DPP6: variants seen among roughly 807,000 people sequenced by gnomAD.
DPP6 encodes A-type potassium channel modulatory protein DPP6.
Under a neutral mutation model 122.6 loss-of-function variants are expected in DPP6, and 69 were observed. The observed-to-expected ratio is 0.56, with a 90% CI of 0.46 to 0.69. The LOEUF (loss-of-function observed/expected upper bound fraction) is 0.69, where lower values mean the gene tolerates loss of function less well. Ranked by LOEUF, DPP6 falls within the 30% of genes least tolerant of loss-of-function variation. The probability of loss-of-function intolerance (pLI) is 0.00; values close to 1 mark genes in which losing one functional copy is unlikely to be tolerated. For missense variants in DPP6, 928 were observed against 1,116.9 expected, an observed-to-expected ratio of 0.83 and a Z score of 2.41; for synonymous variants, 418 against 433.1, an observed-to-expected ratio of 0.97 and a Z score of 0.43.
At chr7:154,609,290 A>G (rs567417456) in intron 5 of DPP6, among the ~76,000 whole-genome samples, 127 of 152,348 alleles carry the variant, frequency 8.3e-4, no homozygotes, top group Non-Finnish European at 1.4e-3. Flanking sequence ...TGCATTGCCC[A>G]TGCAAGTGAG....
intron 1 of DPP6, among the ~76,000 whole-genome samples, chr7:154,331,985 G>T (rs1282152363): frequency 6.6e-6 from 1 of 152,242 alleles, no homozygotes; most frequent in Middle Eastern, 3.4e-3. Context: ...TTTGGGTGAT[G>T]GGGTCTGTGA....
intron 1 of DPP6, among the ~76,000 whole-genome samples, chr7:154,221,307 AT>A (rs1211238593): frequency 1.3e-5 from 2 of 151,974 alleles, no homozygotes; most frequent in African/African-American, 4.8e-5. Context: ...TGCCCAGCTA[AT>A]TTTTGTATTT....
chr7:154,063,734 C>A (rs979666178), intron 1 of DPP6, among the ~76,000 whole-genome samples: 5 of 151,036 alleles, frequency 3.3e-5, no homozygotes, highest in African/African-American at 1.2e-4. Flanking sequence ...CTCTTCCCCC[C>A]CGGCTTAGGA....
At position 154,727,464 on chromosome 7, in the gene DPP6, G is replaced by A. The variant is rs62475809; in HGVS notation, c.763-303G>A. 0.099 allele frequency among the ~76,000 whole-genome samples: 15,063 copies of A among 152,212 alleles called. 1,052 individuals are homozygous for A. Among genetic ancestry groups the A allele is most frequent in the Middle Eastern group, 0.15 (44 of 294 alleles). On this transcript the variant is annotated intron_variant, in intron 7 of 25. Coordinates refer to ENST00000377770, the MANE Select transcript of DPP6 (RefSeq NM_130797.4). ...TTACAATTTGACATGAGATTTGGACGGGGACACAAATCCAAACCATATCAG... is the reference window on the plus strand; with the variant it reads ...TTACAATTTGACATGAGATTTGGACAGGGACACAAATCCAAACCATATCAG...
At chr7:153,899,879 A>G (rs566057621) in intron 1 of DPP6, among the ~76,000 whole-genome samples, 119 of 152,368 alleles carry the variant, frequency 7.8e-4, no homozygotes, top group African/African-American at 2.7e-3. Context: ...GTTGAAGGCT[A>G]TTATCTAATC....
At chr7:154,085,873 G>T (rs552095583) in intron 1 of DPP6, among the ~76,000 whole-genome samples, 1 of 152,086 alleles carries the variant, frequency 6.6e-6, no homozygotes, top group Non-Finnish European at 1.5e-5. Flanking sequence ...GATAACAGGC[G>T]CTCACCATCA....
At chr7:153,987,358 T>C (rs1439761592) in intron 1 of DPP6, among the ~76,000 whole-genome samples, 1 of 152,218 alleles carries the variant, frequency 6.6e-6, no homozygotes, top group Non-Finnish European at 1.5e-5. Flanking sequence ...CAGACTCCCC[T>C]TGTGAACTGA....
chr7:154,138,620 C>T (rs546581937), intron 1 of DPP6, among the ~76,000 whole-genome samples: 1,836 of 151,848 alleles, frequency 0.012, 36 homozygotes, highest in African/African-American at 0.042. Flanking sequence ...ATATTGGACC[C>T]ATCATGAAAC....
intron 1 of DPP6, among the ~76,000 whole-genome samples, chr7:154,007,865 C>T (rs71265439): frequency 4.7e-5 from 7 of 150,374 alleles, no homozygotes; most frequent in East Asian, 2.0e-4. Context: ...TGTGGGCAGA[C>T]GAGAGAGTGT....
the DPP6 span, among the ~76,000 whole-genome samples, chr7:153,861,408 A>G: frequency 1.3e-5 from 2 of 152,216 alleles, no homozygotes; most frequent in Non-Finnish European, 2.9e-5. Flanking sequence ...CAGACATACC[A>G]TTATTTTCTA....
chr7:154,472,529 C>CCCGT (rs1170192143), intron 2 of DPP6, among the ~76,000 whole-genome samples: 1 of 152,214 alleles, frequency 6.6e-6, no homozygotes, highest in East Asian at 1.9e-4. Flanking sequence ...TCCTCTCAGC[C>CCCGT]CCGTCCCTGC....
chr7:154,169,617 G>A (rs1406371559), intron 1 of DPP6, among the ~76,000 whole-genome samples: 2 of 152,164 alleles, frequency 1.3e-5, no homozygotes, highest in Non-Finnish European at 2.9e-5. Context: ...CTAATACAAG[G>A]TAGATGCTTC....
chr7:154,395,637 G>A (rs1220260376), intron 1 of DPP6, among the ~76,000 whole-genome samples: 1 of 152,026 alleles, frequency 6.6e-6, no homozygotes, highest in African/African-American at 2.4e-5. Flanking sequence ...AGTTTTAACA[G>A]GATTTTAAAA....
chr7:154,518,388 G>C (rs1484764264), intron 3 of DPP6, among the ~76,000 whole-genome samples: 1 of 152,144 alleles, frequency 6.6e-6, no homozygotes, highest in African/African-American at 2.4e-5. Flanking sequence ...TCAGGATTTT[G>C]AATTTTTAAA....
the DPP6 span, among the ~76,000 whole-genome samples, chr7:153,847,481 G>A: frequency 1.3e-5 from 2 of 152,138 alleles, no homozygotes; most frequent in Non-Finnish European, 2.9e-5. Flanking sequence ...TGTATTGTAT[G>A]CTATACTTTG....
At chr7:154,291,445 G>C (rs1043603528) in intron 1 of DPP6, among the ~76,000 whole-genome samples, 2 of 152,190 alleles carry the variant, frequency 1.3e-5, no homozygotes, top group Non-Finnish European at 2.9e-5. Flanking sequence ...TTGCATCAGC[G>C]AGGCCTTGCT....
intron 7 of DPP6, among the ~76,000 whole-genome samples, chr7:154,683,137 A>G (rs917905736): frequency 2.0e-4 from 30 of 152,122 alleles, no homozygotes; most frequent in African/African-American, 6.3e-4. Context: ...AATGGCTTTT[A>G]TGGCCAGGAA....
At chr7:154,600,728 A>G (rs2130775011) in intron 5 of DPP6, among the ~76,000 whole-genome samples, 1 of 121,838 alleles carries the variant, frequency 8.2e-6, no homozygotes, top group Non-Finnish European at 1.9e-5. Context: ...GTAATGGCAT[A>G]TTTGGTTTGT....
intron 6 of DPP6, among the ~76,000 whole-genome samples, chr7:154,646,567 C>T (rs1268876932): frequency 6.6e-6 from 1 of 152,168 alleles, no homozygotes; most frequent in Non-Finnish European, 1.5e-5. Flanking sequence ...TTATTTCACG[C>T]TAGAATTTAT....
Sources: gnomAD v4.1 joint callset for allele counts (sites outside exome capture counted in the v4.1 genomes callset) on GRCh38, gnomAD v4.1.1 for gene constraint, MANE v1.5 for transcripts, NCBI Gene and HGNC (gene_info 2026-07-23, HGNC 2026-07-21) for gene names.